SRBD1: variants seen among roughly 807,000 people sequenced by gnomAD.
SRBD1 encodes S1 RNA binding domain 1.
In SRBD1, 88 loss-of-function variants were observed where a neutral mutation model predicts 115.3. The observed-to-expected ratio is 0.76, with a 90% CI of 0.64 to 0.91. The LOEUF is 0.91. Ranked by LOEUF, SRBD1 falls within the 40% of genes least tolerant of loss-of-function variation. The pLI, the probability that SRBD1 is intolerant of heterozygous loss-of-function variation, is 0.00. For synonymous variants in SRBD1, 509 were observed against 407.7 expected (o/e 1.25, Z -2.99); for missense variants, 1,385 against 1,177.4 (o/e 1.18, Z -2.58).
chr2:45,479,908 T>G (rs1669910440), intron 15 of SRBD1, among the ~76,000 whole-genome samples: 1 of 152,180 alleles, frequency 6.6e-6, no homozygotes, highest in Non-Finnish European at 1.5e-5. Flanking sequence ...CTGGTGACTT[T>G]AAGCTGAAGT....
intron 1 of SRBD1, among the ~76,000 whole-genome samples, chr2:45,608,896 C>A (rs954321510): frequency 6.6e-6 from 1 of 151,940 alleles, no homozygotes; most frequent in Non-Finnish European, 1.5e-5. Flanking sequence ...CAAACTCTGC[C>A]TCCCAGGTTC....
chr2:45,563,014 A>C (rs1326753750), intron 9 of SRBD1, among the ~76,000 whole-genome samples: 1 of 152,226 alleles, frequency 6.6e-6, no homozygotes, highest in Admixed American at 6.5e-5. Flanking sequence ...TGATCTAAAA[A>C]TCTCATTTCA....
chr2:45,501,786 G>A lies in SRBD1; in HGVS notation c.1875-13455C>T, dbSNP rs575517438. Reference sequence around the variant, plus strand: ...GAGGCTGGAGTAGGTAAACAAAGCAGCTGGGAAGCTCGAACTGGGTGGAGT... The same window carrying A: ...GAGGCTGGAGTAGGTAAACAAAGCAACTGGGAAGCTCGAACTGGGTGGAGT... On this transcript the variant is annotated intron_variant, in intron 14 of 20. Coordinates refer to ENST00000263736, the MANE Select transcript of SRBD1 (RefSeq NM_018079.5). 2.0e-5 allele frequency among the ~76,000 whole-genome samples: 3 copies of A among 152,304 alleles called. No homozygotes were observed. The East Asian group carries it at 5.8e-4, about 29-fold the overall frequency.
At chr2:45,472,867 A>C (rs1156621035) in intron 16 of SRBD1, among the ~76,000 whole-genome samples, 2 of 151,954 alleles carry the variant, frequency 1.3e-5, no homozygotes, top group African/African-American at 4.8e-5. Flanking sequence ...ATTTTGCCTT[A>C]AGTTCTATTT....
At chr2:45,445,414 G>A (rs191804715) in intron 16 of SRBD1, among the ~76,000 whole-genome samples, 2,719 of 120,558 alleles carry the variant, frequency 0.023, 27 homozygotes, top group Non-Finnish European at 0.04. Context: ...TGAAATCTTG[G>A]GGGGAGTCAC....
chr2:45,557,261 C>T (rs951011497), intron 10 of SRBD1, among the ~76,000 whole-genome samples: 1 of 152,072 alleles, frequency 6.6e-6, no homozygotes, highest in African/African-American at 2.4e-5. Flanking sequence ...AGAACATAGT[C>T]CTGAATCATG....
intron 11 of SRBD1, among the ~76,000 whole-genome samples, chr2:45,551,625 G>A (rs1672303935): frequency 6.6e-6 from 1 of 152,160 alleles, no homozygotes; most frequent in South Asian, 2.1e-4. Context: ...GCAAACAAAA[G>A]TAGGCACAGT....
intron 14 of SRBD1, among the ~76,000 whole-genome samples, chr2:45,503,216 G>GAAGAA (rs10680065): frequency 0.7 from 106,035 of 151,414 alleles, 38,507 homozygotes; most frequent in African/African-American, 0.87. Flanking sequence ...CCCTTTCCAT[G>GAAGAA]AAGAAAACTT....
chr2:45,589,322 T>C (rs1367712131), intron 4 of SRBD1, among the ~76,000 whole-genome samples: 6 of 151,952 alleles, frequency 3.9e-5, no homozygotes, highest in African/African-American at 1.2e-4. Flanking sequence ...TTAATCCAAA[T>C]AAGTAAAAAT....
rs760486970 is a variant in SRBD1, at chr2:45,477,062, C to A, written c.1980G>T (p.Arg660Ser). ...GCTCAGCTAATGGATCTTGTACACG[C>A]CTTGCTATGGAAACTGAAAAAACAG... ...PNLRSAVSIA[R>S]RVQDPLAELV... Residue 660 changes from arginine to serine, a missense_variant, in exon 16 of 21, where the codon AGG becomes AGT. Arg to Ser is a moderately radical substitution (Grantham distance 110). Transcript: ENST00000263736. The A allele has an allele frequency of 6.2e-6, 10 of 1,613,392 alleles. No individual in the cohort carries two copies. The highest frequency in any genetic ancestry group is 2.2e-5 in the East Asian group (1 of 44,830).
intron 16 of SRBD1, among the ~76,000 whole-genome samples, chr2:45,445,550 T>TAAAAAAAAAAA (rs59451865): frequency 7.8e-4 from 29 of 37,042 alleles, no homozygotes; most frequent in Middle Eastern, 0.038. Flanking sequence ...TTCCCAGAGG[T>TAAAAAAAAAAA]AAAAAAAAAA....
intron 16 of SRBD1, among the ~76,000 whole-genome samples, chr2:45,435,023 T>C (rs1572637404): frequency 6.6e-6 from 1 of 151,728 alleles, no homozygotes; most frequent in South Asian, 2.1e-4. Context: ...ATGTGCAGTG[T>C]TTGGTTTTCT....
intron 19 of SRBD1, among the ~76,000 whole-genome samples, chr2:45,398,264 T>C (rs1667201755): frequency 6.6e-6 from 1 of 152,090 alleles, no homozygotes; most frequent in African/African-American, 2.4e-5. Context: ...GATGAGAGAA[T>C]ATAGTTTTAA....
At chr2:45,573,794 T>C (rs1673093616) in intron 8 of SRBD1, among the ~76,000 whole-genome samples, 1 of 152,232 alleles carries the variant, frequency 6.6e-6, no homozygotes, top group South Asian at 2.1e-4. Flanking sequence ...TAATTACTTA[T>C]AAAAACACAT....
Position 45,488,325 on chromosome 2 carries a change from G to A in SRBD1, c.1881C>T (p.Val627=). 6.2e-7 allele frequency: 1 copy of A among 1,613,150 alleles called. No individual in the cohort carries two copies. Among genetic ancestry groups the A allele is most frequent in the South Asian group, 1.1e-5 (1 of 90,998 alleles). The change falls in exon 15 of 21, where the codon GTC becomes GTT. Residue 627 remains valine, a synonymous_variant. Transcript: ENST00000263736. ...FAPLDVVYCI[V]SEAGASIYSV... is the part of the protein sequence containing the mutation. ...TGTAGATTGATGCTCCTGCTTCACT[G>A]ACGATACTGAGAAGACAGAAAAAGG... is the stretch of plus-strand genomic sequence containing the variant.
chr2:45,596,115 C>G (rs905705552), intron 4 of SRBD1, among the ~76,000 whole-genome samples: 2 of 152,198 alleles, frequency 1.3e-5, no homozygotes, highest in African/African-American at 4.8e-5. Flanking sequence ...TTAAATGAGA[C>G]AACTTGCTTC....
Position 45,581,710 on chromosome 2 carries a change from C to G in SRBD1, c.916G>C (p.Glu306Gln). Residue 306 changes from glutamate to glutamine, a missense_variant, in exon 6 of 21, where the codon GAA (glutamate) becomes CAA (glutamine). Transcript: ENST00000263736. ...TTCCTTACCACGTGTTCTAGTTCTT[C>G]AAAAGTTTTACAATTCAGCATGGCT... ...LKAMLNCKTF[E>Q]ELEHVSAPYK... The G allele has an allele frequency of 6.2e-7, 1 of 1,612,654 alleles. No individual in the cohort carries two copies. The highest frequency in any genetic ancestry group is 8.5e-7 in the Non-Finnish European group (1 of 1,179,534).
chr2:45,463,110 AAGAC>A (rs1558411874), intron 16 of SRBD1, among the ~76,000 whole-genome samples: 2 of 152,166 alleles, frequency 1.3e-5, no homozygotes, highest in South Asian at 2.1e-4. Flanking sequence ...ACCAGAAAGA[AAGAC>A]AATGTAACAC....
intron 14 of SRBD1, among the ~76,000 whole-genome samples, chr2:45,517,314 A>C (rs531961693): frequency 6.6e-6 from 1 of 152,198 alleles, no homozygotes; most frequent in Non-Finnish European, 1.5e-5. Flanking sequence ...TTTTACGACT[A>C]TCACATTGCT....
Sources: gnomAD v4.1 joint callset for allele counts (sites outside exome capture counted in the v4.1 genomes callset) on GRCh38, gnomAD v4.1.1 for gene constraint, MANE v1.5 for transcripts, NCBI Gene and HGNC (gene_info 2026-07-23, HGNC 2026-07-21) for gene names.